ACAP3: variants seen among roughly 807,000 people sequenced by gnomAD.
ACAP3 encodes ArfGAP with coiled-coil, ankyrin repeat and PH domains 3.
Under a neutral mutation model 104.1 loss-of-function variants are expected in ACAP3, and 56 were observed. The observed-to-expected ratio is 0.54, with a 90% confidence interval of 0.43 to 0.67. ACAP3 has a LOEUF of 0.67. Ranked by LOEUF, ACAP3 falls within the 30% of genes least tolerant of loss-of-function variation. The pLI, the probability that ACAP3 is intolerant of heterozygous loss-of-function variation, is 0.00. For synonymous variants in ACAP3, 628 were observed against 496.2 expected, an observed-to-expected ratio of 1.27 and a Z score of -3.53; for missense variants, 1,208 against 1,174.9, an observed-to-expected ratio of 1.03 and a Z score of -0.41.
At position 1,295,494 on chromosome 1, in the gene ACAP3, G is replaced by C. The variant is rs778945613; in HGVS notation, c.1766C>G (p.Ser589Trp). ...CCCTGCGTCGAAGTAGGAGAAGAGCGAGTCCAGCTCGTCGGGACAGAAGAG... is the reference window on the plus strand; with the variant it reads ...CCCTGCGTCGAAGTAGGAGAAGAGCCAGTCCAGCTCGTCGGGACAGAAGAG... ...DSLFCPDELD[S>W]LFSYFDAGAA... Residue 589 changes from serine (S) to tryptophan (W), a missense_variant, in exon 19 of 24, where the codon TCG (serine) becomes TGG (tryptophan). Physicochemically the swap from Ser to Trp is radical, Grantham distance 177 (BLOSUM62 -3). Coordinates refer to ENST00000354700, the MANE Select transcript of ACAP3 (RefSeq NM_030649.3). 7.4e-6 allele frequency: 12 copies of C among 1,612,634 alleles called. No individual in the cohort carries two copies. The South Asian group carries it at 1.3e-4, about 18-fold the overall frequency.
intron 6 of ACAP3, 23 bp from the exon 7 acceptor site, chr1:1,300,225 G>C: frequency 6.3e-7 from 1 of 1,590,598 alleles, no homozygotes; most frequent in Non-Finnish European, 8.6e-7. Context: ...GAGCCCACAG[G>C]TGAGCCCCGG....
rs1362530900 is a variant in ACAP3 at position 1,304,130 on chromosome 1, C to T, written c.61G>A (p.Glu21Lys). ...ATCTCCACCACGTCCGTCTCCACCT[C>T]GTCAATGGTCGCCCTAAAGCAAGAA... ...DSPRFRATID[E>K]VETDVVEIEA... Residue 21 changes from glutamate to lysine, a missense_variant, in exon 2 of 24, where the codon GAG (glutamate) becomes AAG (lysine). Physicochemically the swap from Glu to Lys is moderately conservative, Grantham distance 56. Transcript: ENST00000354700. The T allele has an allele frequency of 1.3e-5, 20 of 1,550,564 alleles. No individual in the cohort carries two copies. Among genetic ancestry groups the T allele is most frequent in the East Asian group, 4.9e-5 (2 of 40,938 alleles).
intron 14 of ACAP3, among the ~76,000 whole-genome samples, 169 bp from the exon 15 acceptor site, chr1:1,296,802 C>T (rs1323922993): frequency 3.5e-5 from 5 of 144,572 alleles, no homozygotes; most frequent in African/African-American, 7.5e-5. Context: ...TGGCCCCCCC[C>T]TCGAGCACAC....
chr1:1,304,385 G>A (rs1641591434), intron 1 of ACAP3: 2 of 591,310 alleles, frequency 3.4e-6, no homozygotes, highest in Admixed American at 3.0e-5. Context: ...GAAGAAGGCT[G>A]GACCAGCCTC....
Position 1,296,062 on chromosome 1 carries a change from G to C in ACAP3, c.1455C>G (p.Ala485=), listed in dbSNP as rs375736406. The C allele has an allele frequency of 1.2e-6, 2 of 1,612,760 alleles. No individual in the cohort carries two copies. The highest frequency in any genetic ancestry group is 1.7e-6 in the Non-Finnish European group (2 of 1,179,960). ...GNSAVNQIYE[A]QCEGAGSRKP... Reference sequence around the variant, plus strand: ...TCCTGCTGCCTGCACCCTCACACTGGGCCTCATAGATCTGATTCACAGCGC... The same window carrying C: ...TCCTGCTGCCTGCACCCTCACACTGCGCCTCATAGATCTGATTCACAGCGC... The change falls in exon 17 of 24, where the codon GCC becomes GCG. Residue 485 remains alanine (A), a synonymous_variant. Transcript: ENST00000354700.
chr1:1,299,267 T>C (rs987860320), intron 10 of ACAP3, 78 bp downstream of exon 10: 2 of 1,536,360 alleles, frequency 1.3e-6, no homozygotes, highest in Non-Finnish European at 1.8e-6. Flanking sequence ...GAAGTGCCCT[T>C]GGGGTAGAGG....
At position 1,294,526 on chromosome 1, in the gene ACAP3, G is replaced by A. The variant is rs1641022086; in HGVS notation, c.2015C>T (p.Ala672Val). Reference sequence around the variant, plus strand: ...GTCGCGGGCACGCGCTGCGCGGTGCGCCAAGAGCCCCGGGTGCAGCTCGCG... The same window carrying A: ...GTCGCGGGCACGCGCTGCGCGGTGCACCAAGAGCCCCGGGTGCAGCTCGCG... ...DVRELHPGLL[A>V]HRAARARDLP... The change falls in exon 21 of 24, where the codon GCG becomes GTG. Residue 672 changes from alanine to valine, a missense_variant. Physicochemically the swap from Ala to Val is moderately conservative, Grantham distance 64. Coordinates refer to ENST00000354700, the MANE Select transcript of ACAP3 (RefSeq NM_030649.3). 5 of 1,498,936 alleles carry A rather than the reference G, an allele frequency of 3.3e-6. No homozygotes were observed. Among genetic ancestry groups the A allele is most frequent in the Admixed American group, 2.4e-5 (1 of 41,474 alleles). The allele number at this position is 1,498,936 out of a possible 1,614,324, so 92.9% of individuals were successfully genotyped here.
chr1:1,302,026 C>T lies in ACAP3; in HGVS notation c.300G>A (p.Gln100=). ...NYHMILFDQA[Q]RSVRQQLQSF... is the part of the protein sequence containing the mutation. ...TCTGGAGCTGCTGCCGCACGGACCT[C>T]TGGGCCTGGTCAAACAGGATCTGGG... The change falls in exon 5 of 24, where the codon CAG becomes CAA. Residue 100 remains glutamine, a synonymous_variant. Coordinates refer to ENST00000354700, the MANE Select transcript of ACAP3 (RefSeq NM_030649.3). 1.9e-6 allele frequency: 3 copies of T among 1,567,104 alleles called. No individual in the cohort carries two copies. Among genetic ancestry groups the T allele is most frequent in the Non-Finnish European group, 2.6e-6 (3 of 1,153,886 alleles).
At chr1:1,302,806 CCG>C in intron 4 of ACAP3, 114 bp downstream of exon 4, 7 of 332,022 alleles carry the variant, frequency 2.1e-5, no homozygotes, top group Non-Finnish European at 3.5e-5. Context: ...CCCCCCCCCC[CCG>C]ACTAGAGGAG....
chr1:1,307,287 C>T (rs892508997), intron 1 of ACAP3: 2 of 1,289,354 alleles, frequency 1.6e-6, no homozygotes, highest in South Asian at 1.2e-5. Flanking sequence ...GCCGCCACCC[C>T]TCCAAGCCCC....
At chr1:1,306,112 A>G (rs1254591149) in intron 1 of ACAP3, among the ~76,000 whole-genome samples, 4 of 152,160 alleles carry the variant, frequency 2.6e-5, no homozygotes, top group Non-Finnish European at 5.9e-5. Context: ...ACTCCAGTCC[A>G]TGCCCCACAG....
chr1:1,307,256 C>G, intron 1 of ACAP3: 5 of 1,288,176 alleles, frequency 3.9e-6, no homozygotes, highest in Non-Finnish European at 5.1e-6. Context: ...CCCTACCTGA[C>G]CTTCCCCGCC....
intron 16 of ACAP3, 46 bp downstream of exon 16, chr1:1,296,165 G>A (rs772986954): frequency 2.2e-5 from 35 of 1,604,760 alleles, no homozygotes; most frequent in Non-Finnish European, 3.0e-5. Context: ...CCCAGCTCCC[G>A]CCCCCACAAA....
intron 1 of ACAP3, chr1:1,304,409 G>A (rs1291111471): frequency 3.6e-5 from 20 of 554,792 alleles, no homozygotes; most frequent in South Asian, 2.4e-4. Flanking sequence ...CAGGACAGCC[G>A]GCCGCTGGGA....
intron 1 of ACAP3, among the ~76,000 whole-genome samples, chr1:1,306,321 C>T (rs1257046855): frequency 6.6e-6 from 1 of 151,632 alleles, no homozygotes; most frequent in Admixed American, 6.5e-5. Context: ...GTCCATTAGG[C>T]TTCTGACGGA....
rs764470318 is a variant in ACAP3, at chr1:1,295,787, G to C, written c.1654C>G (p.Arg552Gly). ...HSSPRAPTAR[R>G]KVRLEPVLPC... ...AGAACGGGCTCAAGCCGGACCTTGC[G>C]GCGGGCAGTGGGAGCGCGGGGAGAG... The change falls in exon 18 of 24, where the codon CGC becomes GGC. Residue 552 changes from arginine (R) to glycine (G), a missense_variant. Coordinates refer to ENST00000354700, the MANE Select transcript of ACAP3 (RefSeq NM_030649.3). 6.2e-7 allele frequency: 1 copy of C among 1,608,950 alleles called. No individual in the cohort carries two copies. The highest frequency in any genetic ancestry group is 8.5e-7 in the Non-Finnish European group (1 of 1,179,672).
At chr1:1,307,311 C>G in intron 1 of ACAP3, 3 of 1,289,276 alleles carry the variant, frequency 2.3e-6, no homozygotes, top group Non-Finnish European at 2.0e-6. Flanking sequence ...GTCATTCAAA[C>G]CACTTCACGT....
rs1020366330 is a variant in ACAP3, at chr1:1,296,388, C to G, written c.1337+37G>C. On this transcript the variant is annotated intron_variant, in intron 15 of 23. Transcript: ENST00000354700. Reference sequence around the variant, plus strand: ...GGGGCCCACCTGTGGATGCTCCAGCCCAACCCCCACCCCCAGCCTGGCCCT... The same window carrying G: ...GGGGCCCACCTGTGGATGCTCCAGCGCAACCCCCACCCCCAGCCTGGCCCT... 2.6e-6 allele frequency: 4 copies of G among 1,532,362 alleles called. No homozygotes were observed. In the African/African-American group the frequency reaches 6.3e-5, roughly 24 times the overall value. The allele number at this position is 1,532,362 out of a possible 1,614,324, so 94.9% of individuals were successfully genotyped here.
chr1:1,307,427 C>T (rs546843573), intron 1 of ACAP3: 1 of 1,293,654 alleles, frequency 7.7e-7, no homozygotes, highest in Admixed American at 2.3e-5. Flanking sequence ...GACGCCCCCA[C>T]GGACCCAGAC....
Sources: gnomAD v4.1 joint callset for allele counts (sites outside exome capture counted in the v4.1 genomes callset) on GRCh38, gnomAD v4.1.1 for gene constraint, MANE v1.5 for transcripts, NCBI Gene and HGNC (gene_info 2026-07-23, HGNC 2026-07-21) for gene names.